TRDN: variants seen among roughly 807,000 people sequenced by gnomAD.
TRDN encodes triadin in skeletal muscle.
TRDN carries 161 observed loss-of-function variants against 149.7 expected under a neutral mutation model. That is an observed-to-expected ratio of 1.08 (90% CI 0.95 to 1.23). The LOEUF (loss-of-function observed/expected upper bound fraction) is 1.23, where lower values mean the gene tolerates loss of function less well. TRDN is among the 50% of genes most tolerant of loss of function. The pLI is 0.00. For missense variants in TRDN, 896 were observed against 823.5 expected, an observed-to-expected ratio of 1.09 and a Z score of -1.08; for synonymous variants, 294 against 250.5, an observed-to-expected ratio of 1.17 and a Z score of -1.64.
chr6:123,475,807 C>A (rs1373849734), intron 9 of TRDN, among the ~76,000 whole-genome samples: 1 of 151,230 alleles, frequency 6.6e-6, no homozygotes, highest in South Asian at 2.1e-4. Context: ...AAGACAAAAA[C>A]CACATGATTA....
chr6:123,340,794 G>A (rs117112111), intron 21 of TRDN, among the ~76,000 whole-genome samples: 54 of 152,010 alleles, frequency 3.6e-4, no homozygotes, highest in Middle Eastern at 3.4e-3. Context: ...AAAGTGAAAC[G>A]ATATCTGATA....
chr6:123,327,403 G>A (rs767720142), intron 23 of TRDN, among the ~76,000 whole-genome samples: 4 of 151,754 alleles, frequency 2.6e-5, no homozygotes, highest in African/African-American at 4.8e-5. Flanking sequence ...TAAAAATACC[G>A]TTGATATTTT....
chr6:123,241,715 A>T (rs1457049545), intron 38 of TRDN, among the ~76,000 whole-genome samples: 3 of 152,112 alleles, frequency 2.0e-5, no homozygotes, highest in African/African-American at 7.2e-5. Context: ...TCTAGAAAAG[A>T]CTAAATTTAT....
intron 2 of TRDN, among the ~76,000 whole-genome samples, chr6:123,550,694 A>G (rs1325595030): frequency 6.6e-6 from 1 of 152,052 alleles, no homozygotes; most frequent in East Asian, 1.9e-4. Flanking sequence ...TATATGAACG[A>G]GAGGATTTCT....
At position 123,545,619 on chromosome 6, in the gene TRDN, A is replaced by G. The variant is rs142419924; in HGVS notation, c.424+1721T>C. Among the ~76,000 whole-genome samples the G allele has an allele frequency of 1.8e-4, 27 of 151,986 alleles. 1 individual carries two copies. The East Asian group carries it at 4.3e-3, about 24-fold the overall frequency. On this transcript the variant is annotated intron_variant, in intron 4 of 40. Coordinates refer to ENST00000334268, the MANE Select transcript of TRDN (RefSeq NM_006073.4). ...AATATATTCAGGTGATTTAAAGTCAATTCTCCTAATTCTGAGTATGTAATC... is the reference window on the plus strand; with the variant it reads ...AATATATTCAGGTGATTTAAAGTCAGTTCTCCTAATTCTGAGTATGTAATC...
intron 2 of TRDN, among the ~76,000 whole-genome samples, chr6:123,552,873 T>A (rs150434990): frequency 5.7e-4 from 87 of 152,242 alleles, no homozygotes; most frequent in Admixed American, 1.2e-3. Context: ...AAAGTCACTA[T>A]TCCAAATCAA....
At chr6:123,594,860 G>A (rs1047431814) in intron 1 of TRDN, among the ~76,000 whole-genome samples, 1 of 151,806 alleles carries the variant, frequency 6.6e-6, no homozygotes, top group Non-Finnish European at 1.5e-5. Flanking sequence ...ATTCTAAGTT[G>A]TGAAAGGATC....
chr6:123,474,232 A>C (rs554658094), intron 9 of TRDN, among the ~76,000 whole-genome samples: 1 of 152,168 alleles, frequency 6.6e-6, no homozygotes, highest in Admixed American at 6.5e-5. Context: ...GGCTCAAAAT[A>C]AAAGGATGGA....
chr6:123,481,770 T>C (rs1265017446), intron 9 of TRDN, among the ~76,000 whole-genome samples: 2 of 152,128 alleles, frequency 1.3e-5, no homozygotes, highest in Non-Finnish European at 2.9e-5. Context: ...AGCAGAACAA[T>C]ATCTTGAGAA....
chr6:123,537,151 T>A (rs987532465), intron 4 of TRDN, among the ~76,000 whole-genome samples: 3 of 152,210 alleles, frequency 2.0e-5, no homozygotes, highest in African/African-American at 7.2e-5. Flanking sequence ...CAGAAAAAAA[T>A]TGAGAGCAAG....
chr6:123,596,501 C>T (rs1250470994), intron 1 of TRDN, among the ~76,000 whole-genome samples: 1 of 152,004 alleles, frequency 6.6e-6, no homozygotes, highest in Non-Finnish European at 1.5e-5. Context: ...ATGAAACAGC[C>T]TTATATTGAA....
intron 30 of TRDN, 98 bp downstream of exon 30, chr6:123,271,039 CTG>C (rs35914221): frequency 0.015 from 6,475 of 417,812 alleles, 20 homozygotes; most frequent in Middle Eastern, 0.023. Context: ...CAGTGAAGGG[CTG>C]TGTGTGTGTG....
At chr6:123,360,974 C>A (rs1204264321) in intron 20 of TRDN, among the ~76,000 whole-genome samples, 1 of 152,104 alleles carries the variant, frequency 6.6e-6, no homozygotes, top group Non-Finnish European at 1.5e-5. Flanking sequence ...TTTATCCAGT[C>A]TATCATTGAT....
intron 12 of TRDN, among the ~76,000 whole-genome samples, chr6:123,395,512 C>T (rs1772684953): frequency 6.6e-6 from 1 of 152,122 alleles, no homozygotes; most frequent in African/African-American, 2.4e-5. Flanking sequence ...GGGCTGTGTG[C>T]ACATAGATTG....
intron 4 of TRDN, among the ~76,000 whole-genome samples, chr6:123,544,088 T>C (rs1780990971): frequency 2.0e-5 from 3 of 152,134 alleles, no homozygotes; most frequent in Non-Finnish European, 4.4e-5. Flanking sequence ...AAAATGAATT[T>C]TTTTTAGAAT....
intron 5 of TRDN, among the ~76,000 whole-genome samples, chr6:123,518,765 G>T (rs1030733863): frequency 1.3e-5 from 2 of 152,054 alleles, no homozygotes; most frequent in African/African-American, 4.8e-5. Context: ...CTCAGAAATG[G>T]CATCACAACA....
chr6:123,265,076 T>G (rs1235653928), intron 33 of TRDN, among the ~76,000 whole-genome samples: 11 of 152,050 alleles, frequency 7.2e-5, no homozygotes, highest in Non-Finnish European at 1.6e-4. Context: ...CATCTCTTCA[T>G]GTGCTTATTG....
chr6:123,604,300 A>G (rs776445798), intron 1 of TRDN, among the ~76,000 whole-genome samples: 1 of 152,214 alleles, frequency 6.6e-6, no homozygotes, highest in African/African-American at 2.4e-5. Context: ...GCATGTGTAA[A>G]AGCTTAAAGA....
At chr6:123,592,372 AT>A (rs1271739886) in intron 1 of TRDN, among the ~76,000 whole-genome samples, 1 of 152,236 alleles carries the variant, frequency 6.6e-6, no homozygotes, top group Admixed American at 6.5e-5. Context: ...AGGTTAAAAA[AT>A]AAATGAAAAA....
Sources: gnomAD v4.1 joint callset for allele counts (sites outside exome capture counted in the v4.1 genomes callset) on GRCh38, gnomAD v4.1.1 for gene constraint, MANE v1.5 for transcripts, NCBI Gene and HGNC (gene_info 2026-07-23, HGNC 2026-07-21) for gene names.